The following GLIS3 variants were observed in gnomAD, a reference collection of about 807,000 sequenced individuals.
GLIS3 encodes the protein zinc finger protein GLIS3.
A neutral mutation model predicts 78.6 loss-of-function variants in GLIS3; 53 were observed. That is an observed-to-expected ratio of 0.67 (90% CI 0.54 to 0.85). The LOEUF (loss-of-function observed/expected upper bound fraction) is 0.85. GLIS3 is among the 40% of genes least tolerant of loss of function. The pLI is 0.00. For missense variants in GLIS3, 1,703 were observed against 1,231.1 expected (o/e 1.38, Z -5.74); for synonymous variants, 684 against 509.9 (o/e 1.34, Z -4.60).
At chr9:4,243,655 C>T (rs150498786) in intron 2 of GLIS3, among the ~76,000 whole-genome samples, 5 of 152,276 alleles carry the variant, frequency 3.3e-5, no homozygotes, top group Non-Finnish European at 5.9e-5. Flanking sequence ...AGGGTTATTA[C>T]AGAGTGTCAG....
intron 2 of GLIS3, among the ~76,000 whole-genome samples, chr9:4,251,006 G>A (rs559488950): frequency 1.3e-5 from 2 of 152,278 alleles, no homozygotes; most frequent in African/African-American, 4.8e-5. Flanking sequence ...TGCATTTGCT[G>A]AGGAGTGTTT....
chr9:4,224,726 T>TC, intron 2 of GLIS3, among the ~76,000 whole-genome samples: 1 of 151,684 alleles, frequency 6.6e-6, no homozygotes, highest in East Asian at 1.9e-4. Flanking sequence ...TTTCTGTTTT[T>TC]TTTTTTTTAT....
chr9:4,201,319 G>A (rs1013641130), intron 2 of GLIS3, among the ~76,000 whole-genome samples: 2 of 152,084 alleles, frequency 1.3e-5, no homozygotes, highest in Non-Finnish European at 2.9e-5. Flanking sequence ...ACATAGTACT[G>A]GAAGTCCTTA....
In GLIS3 at chr9:4,241,176, G is replaced by T. The variant is rs572441514; in HGVS notation, c.388+44862C>A. Among the ~76,000 whole-genome samples the T allele has an allele frequency of 5.3e-5, 8 of 152,272 alleles. No homozygotes were observed. In the East Asian group the frequency reaches 1.4e-3, roughly 26 times the overall value. ...AAATCTAAAGGTACATTCAACTCCA[G>T]ACTGGATGAAGTGTGGTGGAGTAGA... On this transcript the variant is annotated intron_variant, in intron 2 of 10. Coordinates refer to ENST00000381971, the MANE Select transcript of GLIS3 (RefSeq NM_001042413.2).
intron 9 of GLIS3, among the ~76,000 whole-genome samples, chr9:3,853,228 TGA>T: frequency 6.6e-6 from 1 of 152,232 alleles, no homozygotes; most frequent in South Asian, 2.1e-4. Flanking sequence ...GTTTTTAATG[TGA>T]GAGTTAAAAA....
At chr9:4,071,219 T>C (rs1347940795) in intron 4 of GLIS3, 2 of 152,214 alleles carry the variant, frequency 1.3e-5, no homozygotes, top group Admixed American at 6.5e-5. Context: ...GTATGATGTA[T>C]GGGAAATGTC....
At chr9:3,999,457 G>A (rs1374758994) in intron 4 of GLIS3, among the ~76,000 whole-genome samples, 3 of 152,070 alleles carry the variant, frequency 2.0e-5, no homozygotes, top group Non-Finnish European at 2.9e-5. Context: ...CTATGCACCA[G>A]CAATGAAGAG....
At chr9:3,937,229 T>C in intron 4 of GLIS3, 40 bp from the exon 5 acceptor site, 2 of 1,611,262 alleles carry the variant, frequency 1.2e-6, no homozygotes, top group South Asian at 2.2e-5. Flanking sequence ...GAGAAGGACC[T>C]TGAATGTTTG....
intron 4 of GLIS3, among the ~76,000 whole-genome samples, chr9:4,045,955 G>A (rs1003847926): frequency 1.8e-4 from 27 of 152,094 alleles, no homozygotes; most frequent in Non-Finnish European, 3.1e-4. Flanking sequence ...GATCGGGGGG[G>A]AAATCATAAA....
intron 2 of GLIS3, among the ~76,000 whole-genome samples, chr9:4,127,550 A>G (rs1277607380): frequency 6.6e-6 from 1 of 152,152 alleles, no homozygotes; most frequent in African/African-American, 2.4e-5. Flanking sequence ...TAGTAGGTAC[A>G]CTTTTATGTA....
At chr9:3,881,548 C>T (rs186733622) in intron 7 of GLIS3, among the ~76,000 whole-genome samples, 1 of 152,284 alleles carries the variant, frequency 6.6e-6, no homozygotes, top group African/African-American at 2.4e-5. Flanking sequence ...GCTACAATGA[C>T]ATAGGCTGGG....
chr9:4,342,993 G>A (rs796531299), intron 2 of GLIS3, among the ~76,000 whole-genome samples: 12 of 152,060 alleles, frequency 7.9e-5, no homozygotes, highest in African/African-American at 2.9e-4. Context: ...GGAGCTTTTG[G>A]GCATATGAAA....
At chr9:4,473,466 A>AAAAAAAAAAAAAAAG in the GLIS3 span, among the ~76,000 whole-genome samples, 34,731 of 130,238 alleles carry the variant, frequency 0.27, 5,943 homozygotes, top group Non-Finnish European at 0.39. Flanking sequence ...ACAACAAAAA[A>AAAAAAAAAAAAAAAG]AAAGGATCAT....
chr9:3,836,968 C>G (rs536240713), intron 9 of GLIS3, among the ~76,000 whole-genome samples: 21 of 152,338 alleles, frequency 1.4e-4, no homozygotes, highest in African/African-American at 5.1e-4. Flanking sequence ...GGACCCCAGC[C>G]TAATGTGCAA....
the GLIS3 span, among the ~76,000 whole-genome samples, chr9:4,462,531 A>T: frequency 1.3e-5 from 2 of 151,834 alleles, no homozygotes; most frequent in African/African-American, 4.8e-5. Flanking sequence ...CAGAGGCAGG[A>T]GCATTGCTTG....
At chr9:4,168,909 C>T (rs752779383) in intron 2 of GLIS3, among the ~76,000 whole-genome samples, 22 of 152,050 alleles carry the variant, frequency 1.4e-4, no homozygotes, top group South Asian at 4.1e-4. Context: ...TGTTAGATAA[C>T]GAGAAAATTT....
chr9:3,950,420 T>A (rs1816600697), intron 4 of GLIS3, among the ~76,000 whole-genome samples: 1 of 152,228 alleles, frequency 6.6e-6, no homozygotes, highest in South Asian at 2.1e-4. Context: ...ACATCTTGCT[T>A]GATGTGGCTC....
At chr9:3,959,215 G>A (rs1193315896) in intron 4 of GLIS3, among the ~76,000 whole-genome samples, 1 of 152,192 alleles carries the variant, frequency 6.6e-6, no homozygotes, top group Non-Finnish European at 1.5e-5. Flanking sequence ...TATAGAAAGA[G>A]ACTCCAGAAA....
At chr9:4,203,651 A>C (rs969006556) in intron 2 of GLIS3, among the ~76,000 whole-genome samples, 11 of 152,336 alleles carry the variant, frequency 7.2e-5, no homozygotes, top group African/African-American at 2.6e-4. Context: ...AGATATATGC[A>C]CTCGTGTGTT....
Sources: gnomAD v4.1 joint callset for allele counts (sites outside exome capture counted in the v4.1 genomes callset) on GRCh38, gnomAD v4.1.1 for gene constraint, MANE v1.5 for transcripts, NCBI Gene and HGNC (gene_info 2026-07-23, HGNC 2026-07-21) for gene names.